The following NCAPG variants were observed in gnomAD, a reference collection of about 807,000 sequenced individuals.
NCAPG encodes the protein non-SMC condensin I complex subunit G.
Under a neutral mutation model 113.1 loss-of-function variants are expected in NCAPG, and 69 were observed. The ratio of observed to expected loss-of-function variants is 0.61; its 90% CI spans 0.50 to 0.75. The LOEUF is 0.75. Among genes scored for constraint, NCAPG ranks in the 30% least tolerant of loss-of-function variants. The pLI is 0.00. For synonymous variants in NCAPG, 370 were observed against 415.8 expected (o/e 0.89, Z 1.34); for missense variants, 1,058 against 1,177.0 (o/e 0.90, Z 1.48).
rs201660590 is a variant in NCAPG, at chr4:17,818,107, A to T, written c.1118+19A>T. Reference sequence around the variant, plus strand: ...TATTGAGGTAAATTTTTTTTCTTTTAGTTTGGAGAGTGATTGTGTTGCTGC... The same window carrying T: ...TATTGAGGTAAATTTTTTTTCTTTTTGTTTGGAGAGTGATTGTGTTGCTGC... On this transcript the variant is annotated intron_variant, in intron 7 of 20. Transcript: ENST00000251496. 20 of 1,588,992 alleles carry T rather than the reference A, an allele frequency of 1.3e-5. No individual in the cohort carries two copies. In the African/African-American group the frequency reaches 2.3e-4, roughly 18 times the overall value.
chr4:17,834,721 C>T (rs941220628), intron 14 of NCAPG, among the ~76,000 whole-genome samples, 198 bp downstream of exon 14: 3 of 152,078 alleles, frequency 2.0e-5, no homozygotes, highest in East Asian at 1.9e-4. Context: ...TTTCTCCTAA[C>T]GCTATCCCTC....
At chr4:17,825,113 A>G (rs1448360506) in intron 10 of NCAPG, 56 bp downstream of exon 10, 51 of 1,292,250 alleles carry the variant, frequency 3.9e-5, no homozygotes, top group Non-Finnish European at 5.3e-5. Flanking sequence ...GGGCAAGTCT[A>G]TTCTTTCCTC....
intron 11 of NCAPG, among the ~76,000 whole-genome samples, chr4:17,826,304 C>T (rs1368964177): frequency 6.6e-6 from 1 of 151,966 alleles, no homozygotes; most frequent in Non-Finnish European, 1.5e-5. Flanking sequence ...TATTGTTGTA[C>T]TTTTGGGATG....
intron 7 of NCAPG, among the ~76,000 whole-genome samples, chr4:17,822,177 AT>A (rs1721484154): frequency 6.7e-6 from 1 of 149,310 alleles, no homozygotes; most frequent in Non-Finnish European, 1.5e-5. Flanking sequence ...ATTAGGCATG[AT>A]GAAGATTAAA....
chr4:17,829,523 A>G (rs898655968), intron 12 of NCAPG, among the ~76,000 whole-genome samples: 2 of 152,210 alleles, frequency 1.3e-5, no homozygotes, highest in Non-Finnish European at 2.9e-5. Context: ...GAAGTAGTAA[A>G]TACGAAGACT....
chr4:17,823,243 T>C, intron 8 of NCAPG, 120 bp downstream of exon 8: 1 of 933,222 alleles, frequency 1.1e-6, no homozygotes, highest in South Asian at 1.7e-5. Flanking sequence ...GTATAAAAAG[T>C]TTTCTTTTCC....
intron 3 of NCAPG, 95 bp downstream of exon 3, chr4:17,813,240 G>A (rs1721069930): frequency 6.3e-6 from 6 of 957,862 alleles, no homozygotes; most frequent in Non-Finnish European, 6.1e-6. Context: ...CATTTGAAGA[G>A]TATAGGTAAT....
intron 14 of NCAPG, among the ~76,000 whole-genome samples, chr4:17,835,804 G>A (rs930722366): frequency 2.0e-5 from 3 of 152,042 alleles, no homozygotes; most frequent in Admixed American, 6.6e-5. Context: ...TCAGTACTCC[G>A]TTCCTTTTTG....
chr4:17,840,883 A>G (rs1441196584), intron 19 of NCAPG, among the ~76,000 whole-genome samples, 190 bp downstream of exon 19: 1 of 152,004 alleles, frequency 6.6e-6, no homozygotes, highest in Non-Finnish European at 1.5e-5. Flanking sequence ...TAAAGATTAT[A>G]AAATCAGTGT....
chr4:17,817,275 G>T lies in NCAPG; in HGVS notation c.790G>T (p.Ala264Ser). 6.2e-7 allele frequency: 1 copy of T among 1,613,234 alleles called. No homozygotes were observed. The highest frequency in any genetic ancestry group is 8.5e-7 in the Non-Finnish European group (1 of 1,179,620). Residue 264 changes from alanine (A) to serine (S), a missense_variant, in exon 6 of 21, where the codon GCT becomes TCT. Ala to Ser is a moderately conservative substitution (Grantham distance 99, BLOSUM62 1). Coordinates refer to ENST00000251496, the MANE Select transcript of NCAPG (RefSeq NM_022346.5). ...LNDRSDAVKQ[A>S]MQKHLLQGWL... is the part of the protein sequence containing the mutation. The stretch of plus-strand genomic sequence containing the variant: ...TGACTCAATAGATGCTGTGAAACAA[G>T]CTATGCAGAAGCATCTTCTTCAAGG...
intron 5 of NCAPG, among the ~76,000 whole-genome samples, chr4:17,816,547 A>G (rs1721219925): frequency 6.6e-6 from 1 of 152,258 alleles, no homozygotes; most frequent in Admixed American, 6.5e-5. Flanking sequence ...TCAGAGGACT[A>G]ATTAGTAGGA....
At chr4:17,838,542 A>G (rs1170318098) in intron 16 of NCAPG, among the ~76,000 whole-genome samples, 1 of 152,198 alleles carries the variant, frequency 6.6e-6, no homozygotes, top group Non-Finnish European at 1.5e-5. Flanking sequence ...CATTAGTTTT[A>G]AAACTCATTG....
In NCAPG at chr4:17,823,052, G is replaced by T; in HGVS notation, c.1188G>T (p.Met396Ile). The change falls in exon 8 of 21, where the codon ATG becomes ATT. Residue 396 changes from methionine (M) to isoleucine (I), a missense_variant. Met to Ile is a conservative substitution (Grantham distance 10, BLOSUM62 1). Coordinates refer to ENST00000251496, the MANE Select transcript of NCAPG (RefSeq NM_022346.5). ...RGDFSYIGNL[M>I]TKEFIGQQLI... The stretch of plus-strand genomic sequence containing the variant: ...ATTTTTCCTATATTGGAAATTTGAT[G>T]ACAAAAGAATTCATAGGTCAACAAT... 6.2e-7 allele frequency: 1 copy of T among 1,609,434 alleles called. No individual in the cohort carries two copies. Among genetic ancestry groups the T allele is most frequent in the Non-Finnish European group, 8.5e-7 (1 of 1,177,970 alleles).
At chr4:17,815,964 T>TA (rs146974827) in intron 5 of NCAPG, among the ~76,000 whole-genome samples, 24 of 149,746 alleles carry the variant, frequency 1.6e-4, no homozygotes, top group Middle Eastern at 3.5e-3. Flanking sequence ...CTCTCTGACT[T>TA]AAAAAAAAAA....
At chr4:17,823,216 C>A in intron 8 of NCAPG, 93 bp downstream of exon 8, 1 of 1,233,728 alleles carries the variant, frequency 8.1e-7, no homozygotes, top group Non-Finnish European at 1.1e-6. Flanking sequence ...ACATATTTAC[C>A]CTAGCTCTCT....
At chr4:17,825,129 G>T in intron 10 of NCAPG, 72 bp downstream of exon 10, 3 of 1,119,660 alleles carry the variant, frequency 2.7e-6, no homozygotes, top group Non-Finnish European at 2.6e-6. Context: ...TCCTCTTGCT[G>T]TGCAGTTCTG....
intron 18 of NCAPG, 137 bp from the exon 19 acceptor site, chr4:17,840,470 A>C: frequency 1.6e-6 from 1 of 606,770 alleles, no homozygotes; most frequent in Non-Finnish European, 2.5e-6. Context: ...AATTTTCGAA[A>C]GGGTGATTTA....
In NCAPG at chr4:17,828,377, A is replaced by G; in HGVS notation, c.1753A>G (p.Ile585Val). 2 of 1,602,658 alleles carry G rather than the reference A, an allele frequency of 1.2e-6. No homozygotes were observed. The highest frequency in any genetic ancestry group is 8.5e-7 in the Non-Finnish European group (1 of 1,172,860). ...CTTAAGTGCAACCATGAATGGAATC[A>G]TCGAATCTTTGGTATGTTGATGGCC... ...TGLSATMNGIIESLILPGIIS... is the reference protein window; with the variant it reads ...TGLSATMNGIVESLILPGIIS... The change falls in exon 12 of 21, where the codon ATC becomes GTC. Residue 585 changes from isoleucine to valine, a missense_variant. Transcript: ENST00000251496.
chr4:17,824,828 G>C, intron 9 of NCAPG, 140 bp from the exon 10 acceptor site: 1 of 511,016 alleles, frequency 2.0e-6, no homozygotes, highest in East Asian at 3.1e-5. Context: ...CTAGCAAACA[G>C]AATGTGTGCT....
Sources: gnomAD v4.1 joint callset for allele counts (sites outside exome capture counted in the v4.1 genomes callset) on GRCh38, gnomAD v4.1.1 for gene constraint, MANE v1.5 for transcripts, NCBI Gene and HGNC (gene_info 2026-07-23, HGNC 2026-07-21) for gene names.